Variants in GAK observed in about 807,000 individuals in gnomAD.
GAK encodes the protein cyclin-G-associated kinase.
A neutral mutation model predicts 143.9 loss-of-function variants in GAK; 79 were observed. That is an observed-to-expected ratio of 0.55 (90% CI 0.46 to 0.66). The LOEUF is 0.66. Ranked by LOEUF, GAK falls within the 30% of genes least tolerant of loss-of-function variation. The probability of loss-of-function intolerance (pLI) is 0.00; values close to 1 mark genes in which losing one functional copy is unlikely to be tolerated. For synonymous variants in GAK, 881 were observed against 765.5 expected, an observed-to-expected ratio of 1.15 and a Z score of -2.49; for missense variants, 1,693 against 1,779.7, an observed-to-expected ratio of 0.95 and a Z score of 0.88.
intron 8 of GAK, 21 bp from the exon 9 acceptor site, chr4:893,510 G>T: frequency 6.6e-7 from 1 of 1,517,734 alleles, no homozygotes; most frequent in Non-Finnish European, 8.8e-7. Flanking sequence ...AGCACAGCGC[G>T]CTCGGCCCCA....
intron 1 of GAK, 131 bp downstream of exon 1, chr4:931,912 C>A: frequency 2.8e-6 from 2 of 711,632 alleles, no homozygotes; most frequent in Admixed American, 2.4e-5. Context: ...CCTGGCCGAC[C>A]CTGACCCACG....
At chr4:929,424 T>A (rs1725332683) in intron 1 of GAK, among the ~76,000 whole-genome samples, 1 of 152,162 alleles carries the variant, frequency 6.6e-6, no homozygotes, top group Non-Finnish European at 1.5e-5. Context: ...GGAAGGTGGA[T>A]TTCCCTGCAG....
chr4:903,626 GAACT>G (rs1720425631), intron 5 of GAK, among the ~76,000 whole-genome samples: 2 of 145,032 alleles, frequency 1.4e-5, no homozygotes, highest in Non-Finnish European at 3.0e-5. Context: ...TGCGGGGCCT[GAACT>G]GACACCACCA....
chr4:866,651 C>G (rs1307338094), intron 21 of GAK, 117 bp from the exon 22 acceptor site: 1 of 1,115,512 alleles, frequency 9.0e-7, no homozygotes, highest in Non-Finnish European at 1.3e-6. Flanking sequence ...CCAGACCCCA[C>G]GGCTGCCCTC....
At chr4:912,528 A>G in intron 3 of GAK, 1 of 521,872 alleles carries the variant, frequency 1.9e-6, no homozygotes, top group East Asian at 3.1e-5. Context: ...ATCTTCTACT[A>G]TTACCCTGGC....
At chr4:924,560 C>T (rs1441409707) in intron 1 of GAK, among the ~76,000 whole-genome samples, 1 of 151,900 alleles carries the variant, frequency 6.6e-6, no homozygotes, top group East Asian at 1.9e-4. Flanking sequence ...TTATTCATAA[C>T]AGCGGACACG....
At chr4:858,322 T>C (rs1749647459) in intron 24 of GAK, among the ~76,000 whole-genome samples, 1 of 152,184 alleles carries the variant, frequency 6.6e-6, no homozygotes, top group Admixed American at 6.5e-5. Context: ...CCAGAATTGC[T>C]GTCTTCCTAG....
chr4:932,298 C>T lies in GAK; in HGVS notation c.-111G>A, dbSNP rs1385319805. 6 of 1,384,738 alleles carry T rather than the reference C, an allele frequency of 4.3e-6. No individual in the cohort carries two copies. Among genetic ancestry groups the T allele is most frequent in the Non-Finnish European group, 5.6e-6 (6 of 1,077,382 alleles). The allele number at this position is 1,384,738 out of a possible 1,614,324, so 85.8% of individuals were successfully genotyped here. ...CGCCGGCCCGGAGGTGCACCATCTTCCGCCTCGACGCCGTGACGTAGGCGC... is the reference window on the plus strand; with the variant it reads ...CGCCGGCCCGGAGGTGCACCATCTTTCGCCTCGACGCCGTGACGTAGGCGC... On this transcript the variant is annotated 5_prime_UTR_variant, in exon 1 of 28. Coordinates refer to ENST00000314167, the MANE Select transcript of GAK (RefSeq NM_005255.4). The surrounding 1 kb of genome is among the most constrained non-coding windows in gnomAD (Gnocchi z 4.0).
At chr4:859,273 G>C (rs553565560) in intron 24 of GAK, 2 of 1,258,164 alleles carry the variant, frequency 1.6e-6, no homozygotes, top group South Asian at 1.4e-5. Flanking sequence ...CTCGGGGACT[G>C]AGCAGAGCCC....
chr4:903,206 T>C (rs1720286406), intron 5 of GAK, among the ~76,000 whole-genome samples: 1 of 152,232 alleles, frequency 6.6e-6, no homozygotes, highest in East Asian at 1.9e-4. Context: ...AGCATCTGTG[T>C]GGCAGTGTGG....
At chr4:858,215 C>T (rs553233998) in intron 24 of GAK, among the ~76,000 whole-genome samples, 11 of 152,366 alleles carry the variant, frequency 7.2e-5, no homozygotes, top group African/African-American at 1.7e-4. Context: ...GCCTTCAGTA[C>T]AGCTGCTCCG....
intron 9 of GAK, among the ~76,000 whole-genome samples, chr4:893,059 G>C (rs1410123987): frequency 1.3e-5 from 2 of 152,128 alleles, no homozygotes. Flanking sequence ...CCTCCTCTCT[G>C]TGGGGGGATT....
In GAK at chr4:850,990, A is replaced by G. The variant is rs1748040152; in HGVS notation, c.3603T>C (p.Ile1201=). The G allele has an allele frequency of 6.2e-7, 1 of 1,613,968 alleles. No individual in the cohort carries two copies. The highest frequency in any genetic ancestry group is 1.1e-5 in the South Asian group (1 of 91,082). The part of the protein sequence containing the change: ...SRSDKKGPKT[I]AEMRKQDLAK... ...CCAGGTCCTGCTTCCTCATCTCTGC[A>G]ATGGTCTTTGGCCCTTTCTTGTCAG... Residue 1201 remains isoleucine, a synonymous_variant, in exon 26 of 28, where the codon ATT becomes ATC. Transcript: ENST00000314167.
At chr4:893,009 G>T (rs1165933915) in intron 9 of GAK, among the ~76,000 whole-genome samples, 1 of 152,172 alleles carries the variant, frequency 6.6e-6, no homozygotes, top group Non-Finnish European at 1.5e-5. Context: ...GAGACCCCCA[G>T]GGTGCAGGGT....
intron 22 of GAK, among the ~76,000 whole-genome samples, 179 bp from the exon 23 acceptor site, chr4:865,423 C>G (rs568691683): frequency 2.0e-5 from 3 of 152,138 alleles, no homozygotes; most frequent in African/African-American, 7.2e-5. Context: ...TCCCATCACA[C>G]AGAACTGAGC....
chr4:867,711 G>C (rs144757449), intron 20 of GAK, among the ~76,000 whole-genome samples: 1 of 151,890 alleles, frequency 6.6e-6, no homozygotes, highest in Non-Finnish European at 1.5e-5. Context: ...CCCACGGCGC[G>C]TCCCCTCAGC....
intron 24 of GAK, 187 bp downstream of exon 24, chr4:859,419 T>C: frequency 6.4e-7 from 1 of 1,551,560 alleles, no homozygotes. Flanking sequence ...GGTTTTAGCT[T>C]GCCAGTTGGC....
At chr4:888,763 C>T (rs1717051594) in intron 11 of GAK, 84 bp downstream of exon 11, 3 of 1,504,274 alleles carry the variant, frequency 2.0e-6, no homozygotes. Flanking sequence ...ACCAGCTGTT[C>T]CACCGCAGCC....
Position 884,100 on chromosome 4 carries a change from G to A in GAK, c.1206-14C>T, listed in dbSNP as rs1560353381. 2 of 1,611,904 alleles carry A rather than the reference G, an allele frequency of 1.2e-6. No homozygotes were observed. The highest frequency in any genetic ancestry group is 8.5e-7 in the Non-Finnish European group (1 of 1,178,190). On this transcript the variant is annotated splice_polypyrimidine_tract_variant and intron_variant, in intron 11 of 27. Coordinates refer to ENST00000314167, the MANE Select transcript of GAK (RefSeq NM_005255.4). ...CCCTTTGCATAACTGGAATTAAAAA[G>A]AAGAGAACTTGGTTATGACAAGAAA...
Sources: gnomAD v4.1 joint callset for allele counts (sites outside exome capture counted in the v4.1 genomes callset) on GRCh38, gnomAD v4.1.1 for gene constraint, Gnocchi (gnomAD v3.1) non-coding constraint, MANE v1.5 for transcripts, NCBI Gene and HGNC (gene_info 2026-07-23, HGNC 2026-07-21) for gene names.